The following ECPAS variants were observed in gnomAD, a reference collection of about 807,000 sequenced individuals.
ECPAS encodes the protein Ecm29 proteasome adaptor and scaffold, also known as proteasome adapter and scaffold protein ECM29.
A neutral mutation model predicts 255.1 loss-of-function variants in ECPAS; 70 were observed. The observed-to-expected ratio is 0.27, with a 90% CI of 0.23 to 0.33. The LOEUF (loss-of-function observed/expected upper bound fraction) is 0.33, where lower values mean the gene tolerates loss of function less well. Ranked by LOEUF, ECPAS falls within the 10% of genes least tolerant of loss-of-function variation. The pLI is 1.00. For missense variants in ECPAS, 1,817 were observed against 2,206.4 expected, an observed-to-expected ratio of 0.82 and a Z score of 3.54; for synonymous variants, 784 against 775.0, an observed-to-expected ratio of 1.01 and a Z score of -0.19.
chr9:111,468,654 C>T (rs898257919), intron 2 of ECPAS, among the ~76,000 whole-genome samples: 1 of 134,788 alleles, frequency 7.4e-6, no homozygotes. Flanking sequence ...AGAGAGAGAG[C>T]GAGCGTGTGT....
At position 111,370,716 on chromosome 9, in the gene ECPAS, A is replaced by G; in HGVS notation, c.4781+6T>C. 1 of 1,607,608 alleles carries G rather than the reference A, an allele frequency of 6.2e-7. No homozygotes were observed. Among genetic ancestry groups the G allele is most frequent in the African/African-American group, 1.3e-5 (1 of 74,934 alleles). ...GAAATGGCATCTTCATTGAAAGAAC[A>G]TTTACCTGCAAGCTGTCACCACACA... is the stretch of plus-strand genomic sequence containing the variant. On this transcript the variant is annotated splice_donor_region_variant and intron_variant, in intron 44 of 49. Coordinates refer to ENST00000684092, the MANE Select transcript of ECPAS (RefSeq NM_001364929.1).
At chr9:111,463,377 T>C (rs750925418) in intron 2 of ECPAS, among the ~76,000 whole-genome samples, 31 of 152,254 alleles carry the variant, frequency 2.0e-4, no homozygotes, top group Admixed American at 3.9e-4. Flanking sequence ...GCACTAATGC[T>C]CACAAATAAA....
intron 46 of ECPAS, among the ~76,000 whole-genome samples, chr9:111,368,626 G>T (rs2098123600): frequency 6.6e-6 from 1 of 152,186 alleles, no homozygotes; most frequent in Admixed American, 6.5e-5. Flanking sequence ...CGTGCCTGGT[G>T]TCCTTATAGG....
chr9:111,391,124 G>A lies in ECPAS; in HGVS notation c.3161+632C>T, dbSNP rs536920937. On this transcript the variant is annotated intron_variant, in intron 29 of 49. Coordinates refer to ENST00000684092, the MANE Select transcript of ECPAS (RefSeq NM_001364929.1). ...TGTGCCAGCTCAGAGCTCCTCAAGAGGCTGGTATCCACTGAAACGATGGTA... is the reference window on the plus strand; with the variant it reads ...TGTGCCAGCTCAGAGCTCCTCAAGAAGCTGGTATCCACTGAAACGATGGTA... Among the ~76,000 whole-genome samples, 24 of 152,262 alleles carry A rather than the reference G, an allele frequency of 1.6e-4. No individual in the cohort carries two copies. In the South Asian group the frequency reaches 5.0e-3, roughly 32 times the overall value.
intron 20 of ECPAS, among the ~76,000 whole-genome samples, 160 bp from the exon 21 acceptor site, chr9:111,412,308 A>G (rs1470229643): frequency 1.3e-5 from 2 of 152,244 alleles, no homozygotes; most frequent in African/African-American, 2.4e-5. Context: ...TGAATTAGAT[A>G]ACAAAATCTT....
chr9:111,428,883 T>C (rs1485742337), intron 9 of ECPAS, among the ~76,000 whole-genome samples: 1 of 152,242 alleles, frequency 6.6e-6, no homozygotes, highest in East Asian at 1.9e-4. Context: ...TGTAACATCA[T>C]TCTTCATGTG....
rs973909698 is a variant in ECPAS, at chr9:111,432,879, T to C, written c.848+354A>G. On this transcript the variant is annotated intron_variant, in intron 8 of 49. Coordinates refer to ENST00000684092, the MANE Select transcript of ECPAS (RefSeq NM_001364929.1). Reference sequence around the variant, plus strand: ...AACCATAATACATACATAGTCTTTATTAAAAGTAATCTCGAATGGTTTGAG... The same window carrying C: ...AACCATAATACATACATAGTCTTTACTAAAAGTAATCTCGAATGGTTTGAG... 1.4e-4 allele frequency among the ~76,000 whole-genome samples: 21 copies of C among 152,204 alleles called. No homozygotes were observed. In the South Asian group the frequency reaches 4.4e-3, roughly 32 times the overall value.
chr9:111,466,632 C>G (rs1451424340), intron 2 of ECPAS, among the ~76,000 whole-genome samples: 3 of 150,648 alleles, frequency 2.0e-5, no homozygotes, highest in Non-Finnish European at 2.9e-5. Flanking sequence ...CACACACACA[C>G]ACACACACAC....
intron 2 of ECPAS, among the ~76,000 whole-genome samples, chr9:111,469,546 C>T (rs945246142): frequency 1.3e-5 from 2 of 151,868 alleles, no homozygotes; most frequent in South Asian, 4.2e-4. Flanking sequence ...CGCGGTGGCT[C>T]ACGCCTGTAA....
chr9:111,440,604 G>A lies in ECPAS; in HGVS notation c.390-83C>T. ...AAAACACAGACAAAACAAAAATCAC[G>A]TAACAAAAACTGGCAGTTTTAAGCA... On this transcript the variant is annotated intron_variant, in intron 5 of 49. Transcript: ENST00000684092. The A allele has an allele frequency of 8.9e-6, 10 of 1,123,704 alleles. No homozygotes were observed. The South Asian group carries it at 1.4e-4, about 15-fold the overall frequency. The allele number at this position is 1,123,704 out of a possible 1,614,324, so 69.6% of individuals were successfully genotyped here.
At chr9:111,433,636 A>G (rs2098233383) in intron 7 of ECPAS, among the ~76,000 whole-genome samples, 1 of 152,214 alleles carries the variant, frequency 6.6e-6, no homozygotes, top group Non-Finnish European at 1.5e-5. Flanking sequence ...AGATTAAGAC[A>G]CTGGTAAACG....
intron 23 of ECPAS, among the ~76,000 whole-genome samples, chr9:111,409,429 G>A (rs938723248): frequency 2.6e-5 from 4 of 151,992 alleles, no homozygotes; most frequent in East Asian, 1.9e-4. Context: ...GCATGGTGGC[G>A]TGCGCCTGTA....
chr9:111,425,359 T>C, intron 12 of ECPAS, 59 bp downstream of exon 12: 1 of 1,106,650 alleles, frequency 9.0e-7, no homozygotes. Context: ...ACCAGAAATA[T>C]TATAGAAAAT....
intron 13 of ECPAS, among the ~76,000 whole-genome samples, chr9:111,422,824 C>T (rs2098216156): frequency 6.6e-6 from 1 of 152,090 alleles, no homozygotes; most frequent in Non-Finnish European, 1.5e-5. Flanking sequence ...ATCATAAACA[C>T]CATTCTCAGA....
intron 1 of ECPAS, among the ~76,000 whole-genome samples, chr9:111,477,573 C>T (rs1047114668): frequency 2.0e-5 from 3 of 152,134 alleles, no homozygotes; most frequent in Non-Finnish European, 2.9e-5. Flanking sequence ...TATATATTCT[C>T]CCATGCAGGA....
At chr9:111,384,630 C>T in intron 33 of ECPAS, 61 bp from the exon 34 acceptor site, 1 of 1,465,238 alleles carries the variant, frequency 6.8e-7, no homozygotes, top group South Asian at 1.1e-5. Context: ...ATCTACTCTA[C>T]AATTTGCAAT....
In ECPAS at chr9:111,414,619, G is replaced by A; in HGVS notation, c.1797C>T (p.His599=). ...IVLYLRMCLA[H]SAGVVPTSQS... ...GAGAGGTGGGCACCACCCCCGCACTGTGCGCAAGGCACATGCGCAAGTACA... is the reference window on the plus strand; with the variant it reads ...GAGAGGTGGGCACCACCCCCGCACTATGCGCAAGGCACATGCGCAAGTACA... Residue 599 remains histidine, a synonymous_variant, in exon 19 of 50, where the codon CAC becomes CAT. Transcript: ENST00000684092. The A allele has an allele frequency of 6.2e-6, 10 of 1,613,710 alleles. No homozygotes were observed. Among genetic ancestry groups the A allele is most frequent in the South Asian group, 1.1e-5 (1 of 91,060 alleles).
In ECPAS at chr9:111,422,187, A is replaced by C; in HGVS notation, c.1279T>G (p.Leu427Val). The change falls in exon 14 of 50, where the codon TTA (leucine) becomes GTA (valine). Residue 427 changes from leucine (L) to valine (V), a missense_variant. Physicochemically the swap from Leu to Val is conservative, Grantham distance 32. Around this residue, in one of 4 missense-constraint regions of ECPAS, gnomAD observed 573 missense variants for 716.2 expected, o/e 0.80. Coordinates refer to ENST00000684092, the MANE Select transcript of ECPAS (RefSeq NM_001364929.1). ...ACAAGCGCTATATCCTTAGTGAATA[A>C]ATGTGGCATCCGACTGCAAAAGAAT... Reference protein sequence around the residue: ...VGKLSSRMPHLFTKDIALVQQ... With the variant: ...VGKLSSRMPHVFTKDIALVQQ... The C allele has an allele frequency of 6.2e-7, 1 of 1,613,598 alleles. No homozygotes were observed. The highest frequency in any genetic ancestry group is 1.3e-5 in the African/African-American group (1 of 75,016).
At chr9:111,375,889 C>G (rs1404985892) in intron 37 of ECPAS, among the ~76,000 whole-genome samples, 1 of 152,102 alleles carries the variant, frequency 6.6e-6, no homozygotes, top group African/African-American at 2.4e-5. Context: ...GCTAAAGGTA[C>G]AGATCTGCTT....
Sources: gnomAD v4.1 joint callset for allele counts (sites outside exome capture counted in the v4.1 genomes callset) on GRCh38, gnomAD v4.1.1 for gene constraint, gnomAD v4.1.1 regional missense constraint, MANE v1.5 for transcripts, NCBI Gene and HGNC (gene_info 2026-07-23, HGNC 2026-07-21) for gene names.